The following DYNC2I1 variants were observed in gnomAD, a reference collection of about 807,000 sequenced individuals.
The protein encoded by DYNC2I1 is cytoplasmic dynein 2 intermediate chain 1.
A neutral mutation model predicts 133.4 loss-of-function variants in DYNC2I1; 89 were observed. The observed-to-expected ratio is 0.67, with a 90% CI of 0.56 to 0.80. The LOEUF is 0.80. DYNC2I1 is among the 30% of genes least tolerant of loss of function. The pLI is 0.00. For synonymous variants in DYNC2I1, 504 were observed against 484.3 expected (o/e 1.04, Z -0.54); for missense variants, 1,291 against 1,314.5 (o/e 0.98, Z 0.28).
At chr7:158,873,579 C>T (rs187945179) in intron 3 of DYNC2I1, among the ~76,000 whole-genome samples, 123 of 152,210 alleles carry the variant, frequency 8.1e-4, no homozygotes, top group African/African-American at 2.9e-3. Context: ...AGTTGGGTTA[C>T]CACTAATTTT....
At chr7:158,954,901 C>T (rs951050429) in intron 4 of DYNC2I1, among the ~76,000 whole-genome samples, 5 of 151,770 alleles carry the variant, frequency 3.3e-5, no homozygotes, top group Non-Finnish European at 7.4e-5. Context: ...CCCACACCCC[C>T]ACCATGCCCC....
chr7:158,901,133 C>T (rs1034886655), intron 8 of DYNC2I1, among the ~76,000 whole-genome samples: 5 of 152,104 alleles, frequency 3.3e-5, no homozygotes, highest in Non-Finnish European at 1.5e-5. Flanking sequence ...TGCAGTGGCG[C>T]GATCTTGGCT....
chr7:158,846,174 G>T, the DYNC2I1 span, among the ~76,000 whole-genome samples: 2 of 152,080 alleles, frequency 1.3e-5, no homozygotes, highest in African/African-American at 4.8e-5. Flanking sequence ...CAGGAGAATC[G>T]CTTGAACCTG....
At chr7:158,884,691 A>T (rs1844423738) in intron 6 of DYNC2I1, 72 bp downstream of exon 6, 2 of 1,516,836 alleles carry the variant, frequency 1.3e-6, no homozygotes, top group South Asian at 2.4e-5. Flanking sequence ...GAATTTTCTT[A>T]TTGGCTCCGA....
Position 158,871,390 on chromosome 7 carries a change from G to T in DYNC2I1, c.318G>T (p.Glu106Asp). The T allele has an allele frequency of 1.3e-6, 2 of 1,551,414 alleles. No individual in the cohort carries two copies. The highest frequency in any genetic ancestry group is 2.4e-5 in the South Asian group (2 of 84,036). The change falls in exon 3 of 25, where the codon GAG becomes GAT. Residue 106 changes from glutamate to aspartate, a missense_variant. By Grantham distance (45) the Glu-to-Asp change is conservative. Transcript: ENST00000407559. ...ACCGGGAGAAAGAAAAGCTGAAGGA[G>T]AAACATCGAGAGGCAGAAAAGTCTC... Reference protein sequence around the residue: ...AKDREKEKLKEKHREAEKSHS... With the variant: ...AKDREKEKLKDKHREAEKSHS...
the DYNC2I1 span, among the ~76,000 whole-genome samples, chr7:158,849,710 G>A: frequency 1.3e-5 from 2 of 152,280 alleles, no homozygotes; most frequent in East Asian, 3.9e-4. Context: ...TGGAGAGGGT[G>A]GCTCCTCTCT....
intron 23 of DYNC2I1, among the ~76,000 whole-genome samples, chr7:158,941,222 A>G (rs1851329651): frequency 6.6e-6 from 1 of 152,216 alleles, no homozygotes; most frequent in Non-Finnish European, 1.5e-5. Flanking sequence ...TGGAAAACAA[A>G]TTTGATTTTA....
rs377350977 is a variant in DYNC2I1, at chr7:158,922,761, G to A, written c.2094+212G>A. On this transcript the variant is annotated intron_variant, in intron 16 of 24. Transcript: ENST00000407559. ...TGCTTGTAGTTCAGAATGAGCAAAC[G>A]AGAATTTTCACAGAGCAGCCCTTTG... Among the ~76,000 whole-genome samples the A allele has an allele frequency of 5.9e-5, 9 of 152,286 alleles. No homozygotes were observed. In the South Asian group the frequency reaches 1.7e-3, roughly 28 times the overall value.
At chr7:158,885,820 A>G (rs1585034700) in intron 6 of DYNC2I1, among the ~76,000 whole-genome samples, 1 of 152,156 alleles carries the variant, frequency 6.6e-6, no homozygotes, top group Non-Finnish European at 1.5e-5. Flanking sequence ...CTGCATGTCC[A>G]CTAGAAGGCA....
At chr7:158,926,581 A>C (rs1054158787) in intron 19 of DYNC2I1, 118 bp downstream of exon 19, 1 of 1,144,196 alleles carries the variant, frequency 8.7e-7, no homozygotes, top group Non-Finnish European at 1.3e-6. Flanking sequence ...AACGGAGAGC[A>C]AGACTGGGCT....
intron 4 of DYNC2I1, among the ~76,000 whole-genome samples, chr7:158,951,600 C>T (rs982398657): frequency 1.3e-5 from 2 of 152,158 alleles, no homozygotes; most frequent in Non-Finnish European, 2.9e-5. Context: ...GTGGGAGGTA[C>T]ACAGTTTGGG....
At chr7:158,889,811 C>G (rs1490462138) in intron 7 of DYNC2I1, among the ~76,000 whole-genome samples, 1 of 151,866 alleles carries the variant, frequency 6.6e-6, no homozygotes, top group Non-Finnish European at 1.5e-5. Context: ...TGAGATCAGC[C>G]TGACCAACAT....
chr7:158,945,881 C>A lies in DYNC2I1; in HGVS notation c.*102C>A. The A allele has an allele frequency of 1.8e-6, 2 of 1,132,530 alleles. No homozygotes were observed. The highest frequency in any genetic ancestry group is 2.4e-6 in the Non-Finnish European group (2 of 829,594). The allele number at this position is 1,132,530 out of a possible 1,614,324, so 70.2% of individuals were successfully genotyped here. On this transcript the variant is annotated 3_prime_UTR_variant, in exon 25 of 25. Transcript: ENST00000407559. The surrounding 1 kb of genome is among the most constrained non-coding windows in gnomAD (Gnocchi z 4.1). ...GTGCAAGTATATTTATGTATATAGA[C>A]TATGTATATTCTGTATATAATTTAT... is the stretch of plus-strand genomic sequence containing the variant.
rs1246582332 is a variant in DYNC2I1 at position 158,856,755 on chromosome 7, G to A, written c.15+5G>A. On this transcript the variant is annotated splice_donor_5th_base_variant and intron_variant, in intron 1 of 24. Coordinates refer to ENST00000407559, the MANE Select transcript of DYNC2I1 (RefSeq NM_018051.5). ...GAAGCGATGGAGCCCGGGAAGGTCG[G>A]TGCGGCGCTGGGTCTGGGCGAGGGG... 5.7e-6 allele frequency: 7 copies of A among 1,234,642 alleles called. No individual in the cohort carries two copies. Among genetic ancestry groups the A allele is most frequent in the Non-Finnish European group, 7.1e-6 (7 of 986,934 alleles). The allele number at this position is 1,234,642 out of a possible 1,614,324, so 76.5% of individuals were successfully genotyped here.
At chr7:158,909,321 ACT>A (rs1335409876) in intron 11 of DYNC2I1, among the ~76,000 whole-genome samples, 2 of 125,270 alleles carry the variant, frequency 1.6e-5, no homozygotes, top group Admixed American at 1.8e-4. Flanking sequence ...ACAGAGCAAG[ACT>A]CTGTCTCAAA....
At chr7:158,910,835 T>C (rs1426469270) in intron 11 of DYNC2I1, among the ~76,000 whole-genome samples, 1 of 148,518 alleles carries the variant, frequency 6.7e-6, no homozygotes, top group African/African-American at 2.5e-5. Context: ...CAAGGGTGAT[T>C]GGCTGTGTCA....
At chr7:158,877,239 G>A (rs902105379) in intron 4 of DYNC2I1, among the ~76,000 whole-genome samples, 15 of 149,856 alleles carry the variant, frequency 1.0e-4, no homozygotes, top group South Asian at 2.1e-4. Flanking sequence ...CTGCGGTTCC[G>A]GATTGGTGTT....
rs200493606 is a variant in DYNC2I1 at position 158,934,143 on chromosome 7, G to T, written c.2561G>T (p.Gly854Val). Residue 854 changes from glycine (G) to valine (V), a missense_variant, in exon 22 of 25, where the codon GGT becomes GTT. Transcript: ENST00000407559. ...IQLGDSLSHK[G>V]NEFWGTTQTL... ...TATTTTTTCAGTCTTTCCCATAAAG[G>T]TAATGAATTTTGGGGCACTACACAA... 18 of 1,609,906 alleles carry T rather than the reference G, an allele frequency of 1.1e-5. No individual in the cohort carries two copies. The East Asian group carries it at 3.3e-4, about 30-fold the overall frequency.
At chr7:158,917,994 C>T (rs1263576440) in intron 14 of DYNC2I1, among the ~76,000 whole-genome samples, 6 of 152,152 alleles carry the variant, frequency 3.9e-5, no homozygotes, top group Admixed American at 3.9e-4. Context: ...GGTTGGCTTT[C>T]ACTGTCTGTT....
Sources: allele counts gnomAD v4.1 joint callset (sites outside exome capture counted in the v4.1 genomes callset), GRCh38; gene constraint gnomAD v4.1.1; non-coding constraint Gnocchi (gnomAD v3.1); transcripts MANE v1.5; gene names NCBI Gene and HGNC (gene_info 2026-07-23, HGNC 2026-07-21).